The following PNPT1 variants were observed in gnomAD, a reference collection of about 807,000 sequenced individuals.
PNPT1 encodes the protein polyribonucleotide nucleotidyltransferase 1, mitochondrial.
PNPT1 carries 53 observed loss-of-function variants against 119.5 expected under a neutral mutation model. The ratio of observed to expected loss-of-function variants is 0.44; its 90% confidence interval spans 0.36 to 0.56. The LOEUF (loss-of-function observed/expected upper bound fraction) is 0.56. Among genes scored for constraint, PNPT1 ranks in the 20% least tolerant of loss-of-function variants. PNPT1 has a pLI of 0.00. For missense variants in PNPT1, 948 were observed against 938.5 expected, an observed-to-expected ratio of 1.01 and a Z score of -0.13; for synonymous variants, 357 against 322.1, an observed-to-expected ratio of 1.11 and a Z score of -1.16.
At chr2:55,681,021 G>T in intron 5 of PNPT1, 103 bp from the exon 6 acceptor site, 1 of 865,160 alleles carries the variant, frequency 1.2e-6, no homozygotes, top group Non-Finnish European at 1.9e-6. Context: ...GGGCTTTGTA[G>T]CCAAACCTCT....
intron 19 of PNPT1, 27 bp from the exon 20 acceptor site, chr2:55,646,513 T>C (rs770392863): frequency 5.7e-6 from 9 of 1,570,254 alleles, no homozygotes; most frequent in African/African-American, 1.4e-5. Context: ...AGTTATGACA[T>C]AGTTTTAAAC....
At chr2:55,676,862 C>CAA (rs1233955537) in intron 8 of PNPT1, among the ~76,000 whole-genome samples, 7 of 103,808 alleles carry the variant, frequency 6.7e-5, no homozygotes, top group Admixed American at 1.9e-4. Context: ...ACCTGGTCTC[C>CAA]AAAAAAAAAA....
intron 2 of PNPT1, among the ~76,000 whole-genome samples, chr2:55,686,711 T>A (rs993670984): frequency 6.6e-6 from 1 of 152,222 alleles, no homozygotes; most frequent in African/African-American, 2.4e-5. Context: ...TATGTGGCTA[T>A]ACATAAGGAA....
intron 18 of PNPT1, 67 bp from the exon 19 acceptor site, chr2:55,647,520 C>G: frequency 8.4e-7 from 1 of 1,193,116 alleles, no homozygotes. Flanking sequence ...ATTTATCTAT[C>G]AATTTTTTTT....
chr2:55,681,742 G>A (rs911069569), intron 5 of PNPT1, among the ~76,000 whole-genome samples: 1 of 151,872 alleles, frequency 6.6e-6, no homozygotes, highest in Middle Eastern at 3.2e-3. Context: ...CTACTAGGGA[G>A]GCTGAGGCAG....
At chr2:55,673,105 A>C (rs1696965490) in intron 8 of PNPT1, 26 bp from the exon 9 acceptor site, 1 of 1,506,966 alleles carries the variant, frequency 6.6e-7, no homozygotes, top group East Asian at 2.4e-5. Context: ...AGAAAAAAAA[A>C]ATGACTGCCA....
At chr2:55,663,627 T>C (rs901766745) in intron 13 of PNPT1, among the ~76,000 whole-genome samples, 3 of 151,950 alleles carry the variant, frequency 2.0e-5, no homozygotes, top group East Asian at 3.9e-4. Flanking sequence ...AAAAAAATAA[T>C]AGATAAGGAA....
At chr2:55,641,498 A>G (rs1695833223) in intron 25 of PNPT1, among the ~76,000 whole-genome samples, 1 of 151,958 alleles carries the variant, frequency 6.6e-6, no homozygotes, top group Non-Finnish European at 1.5e-5. Flanking sequence ...CGATTTTCCA[A>G]AAATTTTCGA....
chr2:55,644,477 A>C (rs535060913), intron 23 of PNPT1, among the ~76,000 whole-genome samples, 160 bp downstream of exon 23: 1 of 152,318 alleles, frequency 6.6e-6, no homozygotes, highest in African/African-American at 2.4e-5. Flanking sequence ...TAATAGGCAC[A>C]CAGAAAACTC....
At chr2:55,663,031 C>T (rs1242295162) in intron 13 of PNPT1, among the ~76,000 whole-genome samples, 3 of 151,998 alleles carry the variant, frequency 2.0e-5, no homozygotes, top group African/African-American at 2.4e-5. Context: ...ACTACAGGTG[C>T]GTGCCACCAC....
In PNPT1 at chr2:55,640,619, CT is replaced by C. The variant is rs1559085445; in HGVS notation, c.2148+7del. 6.4e-7 allele frequency: 1 copy of C among 1,561,630 alleles called. No homozygotes were observed. Among genetic ancestry groups the C allele is most frequent in the South Asian group, 1.1e-5 (1 of 89,676 alleles). ...TAAAAATAATAACAATAACATCTGT[CT>C]TTTTACCTTTCGTTGATCAAGTTGT... is the stretch of plus-strand genomic sequence containing the variant. On this transcript the variant is annotated splice_region_variant and intron_variant, in intron 26 of 27. Coordinates refer to ENST00000447944, the MANE Select transcript of PNPT1 (RefSeq NM_033109.5).
chr2:55,661,306 T>C (rs1212144567), intron 14 of PNPT1, among the ~76,000 whole-genome samples: 2 of 151,940 alleles, frequency 1.3e-5, no homozygotes, highest in African/African-American at 2.4e-5. Context: ...TTAGCCAGGA[T>C]AGTCTTGGTC....
In PNPT1 at chr2:55,660,166, C is replaced by T; in HGVS notation, c.1275G>A (p.Leu425=). ...AAAAAATTCACCTTACCTCGTAGTG[C>T]AGCATGAAATTTTTATCTTTTATCC... ...INGIKDKNFM[L]HYEFPPYATN... The change falls in exon 15 of 28, where the codon CTG becomes CTA. Residue 425 remains leucine, a synonymous_variant. Coordinates refer to ENST00000447944, the MANE Select transcript of PNPT1 (RefSeq NM_033109.5). The T allele has an allele frequency of 6.3e-7, 1 of 1,590,840 alleles. No homozygotes were observed. The highest frequency in any genetic ancestry group is 1.8e-5 in the Admixed American group (1 of 56,962).
At chr2:55,666,914 T>C (rs1049975675) in intron 13 of PNPT1, 77 bp downstream of exon 13, 3 of 877,900 alleles carry the variant, frequency 3.4e-6, no homozygotes, top group Non-Finnish European at 5.1e-6. Context: ...ACCTACAGCA[T>C]CTACTAATGT....
intron 18 of PNPT1, among the ~76,000 whole-genome samples, chr2:55,653,338 T>C (rs1229455711): frequency 2.6e-5 from 4 of 152,254 alleles, no homozygotes; most frequent in Admixed American, 6.5e-5. Context: ...CATACTTCAG[T>C]AATCTAATCC....
rs913096368 is a variant in PNPT1, at chr2:55,667,779, CT to C, written c.1073+82del. On this transcript the variant is annotated intron_variant, in intron 12 of 27. Coordinates refer to ENST00000447944, the MANE Select transcript of PNPT1 (RefSeq NM_033109.5). ...TACTGTTCACTTGAAAAAAAACAAA[CT>C]TTCTTTGATCAAGTTTCCATTTTCA... 4 of 1,481,054 alleles carry C rather than the reference CT, an allele frequency of 2.7e-6. No homozygotes were observed. The African/African-American group carries it at 5.8e-5, about 21-fold the overall frequency. The allele number at this position is 1,481,054 out of a possible 1,614,324, so 91.7% of individuals were successfully genotyped here. A position where few individuals can be genotyped will look rare whatever the true frequency, so the allele number is the denominator to read the frequency against.
intron 8 of PNPT1, among the ~76,000 whole-genome samples, chr2:55,676,137 G>A (rs1367216395): frequency 6.6e-6 from 1 of 151,752 alleles, no homozygotes; most frequent in Non-Finnish European, 1.5e-5. Context: ...GTGCACGCCT[G>A]TAGTCCCAGC....
At position 55,643,295 on chromosome 2, in the gene PNPT1, G is replaced by A. The variant is rs200015545; in HGVS notation, c.2013+24C>T. ...AAAAACAAATATAGCTATATGATAC[G>A]TAATTAATATGATCTATACTTACAT... is the stretch of plus-strand genomic sequence containing the variant. On this transcript the variant is annotated intron_variant, in intron 24 of 27. Coordinates refer to ENST00000447944, the MANE Select transcript of PNPT1 (RefSeq NM_033109.5). The A allele has an allele frequency of 3.5e-5, 56 of 1,611,668 alleles. No individual in the cohort carries two copies. The African/African-American group carries it at 3.9e-4, about 11-fold the overall frequency.
At chr2:55,691,868 A>G (rs368341898) in intron 1 of PNPT1, among the ~76,000 whole-genome samples, 1 of 42,172 alleles carries the variant, frequency 2.4e-5, no homozygotes, top group African/African-American at 6.3e-5. Context: ...ATATATATAT[A>G]TATATATATA....
Sources: allele counts gnomAD v4.1 joint callset (sites outside exome capture counted in the v4.1 genomes callset), GRCh38; gene constraint gnomAD v4.1.1; transcripts MANE v1.5; gene names NCBI Gene and HGNC (gene_info 2026-07-23, HGNC 2026-07-21).